Variants in CDK4 observed in about 807,000 individuals in gnomAD.
CDK4 encodes the protein cyclin dependent kinase 4.
CDK4 carries 13 observed loss-of-function variants against 36.7 expected under a neutral mutation model. The observed-to-expected ratio is 0.35, with a 90% confidence interval of 0.23 to 0.56. The LOEUF (loss-of-function observed/expected upper bound fraction) is 0.56, where lower values mean the gene tolerates loss of function less well. Ranked by LOEUF, CDK4 falls within the 20% of genes least tolerant of loss-of-function variation. The pLI, the probability that CDK4 is intolerant of heterozygous loss-of-function variation, is 0.85. For missense variants in CDK4, 285 were observed against 387.3 expected (o/e 0.74, Z 2.22); for synonymous variants, 158 against 146.4 (o/e 1.08, Z -0.57).
In CDK4 at chr12:57,749,190, G is replaced by T. The variant is rs1402005760; in HGVS notation, c.811C>A (p.Leu271Met). The T allele has an allele frequency of 6.2e-7, 1 of 1,613,902 alleles. No homozygotes were observed. The highest frequency in any genetic ancestry group is 8.5e-7 in the Non-Finnish European group (1 of 1,179,870). ...ACAGCCATCTCCAGTACCAGCAGCAGCTGTGCTCCCGACTCCTCCATCTCA... is the reference window on the plus strand; with the variant it reads ...ACAGCCATCTCCAGTACCAGCAGCATCTGTGCTCCCGACTCCTCCATCTCA... The part of the protein sequence containing the change: ...VPEMEESGAQ[L>M]LLEMLTFNPH... The change falls in exon 7 of 8, where the codon CTG (leucine) becomes ATG (methionine). Residue 271 changes from leucine to methionine, a missense_variant. Transcript: ENST00000257904.
Position 57,751,424 on chromosome 12 carries a change from T to C in CDK4, c.218+76A>G, listed in dbSNP as rs2140387865. The C allele has an allele frequency of 6.2e-7, 1 of 1,610,776 alleles. No individual in the cohort carries two copies. The highest frequency in any genetic ancestry group is 8.5e-7 in the Non-Finnish European group (1 of 1,177,278). On this transcript the variant is annotated intron_variant, in intron 2 of 7. Transcript: ENST00000257904. This position sits in a 1 kb window ranked among gnomAD's most constrained non-coding sequence, Gnocchi z 4.5. ...TATTTCCTCAGGGTCCCCACTTCTC[T>C]ACAGATCATCACACCCCACCTATAG...
At position 57,751,597 on chromosome 12, in the gene CDK4, T is replaced by C; in HGVS notation, c.121A>G (p.Asn41Asp). 1 of 1,613,976 alleles carries C rather than the reference T, an allele frequency of 6.2e-7. No individual in the cohort carries two copies. Among genetic ancestry groups the C allele is most frequent in the Non-Finnish European group, 8.5e-7 (1 of 1,179,960 alleles). The change falls in exon 2 of 8, where the codon AAT becomes GAT. Residue 41 changes from asparagine to aspartate, a missense_variant. By Grantham distance (23) the Asn-to-Asp change is conservative. Transcript: ENST00000257904. This position sits in a 1 kb window ranked among gnomAD's most constrained non-coding sequence, Gnocchi z 4.5. ...AGGCCTCCTCCACCTCCTCCTCCAT[T>C]GGGGACTCTCACACTCTTGAGGGCC... Reference protein sequence around the residue: ...FVALKSVRVPNGGGGGGGLPI... With the variant: ...FVALKSVRVPDGGGGGGGLPI...
chr12:57,751,374 C>T lies in CDK4; in HGVS notation c.219-32G>A, dbSNP rs1158848630. On this transcript the variant is annotated intron_variant, in intron 2 of 7. Transcript: ENST00000257904. The surrounding 1 kb of genome is among the most constrained non-coding windows in gnomAD (Gnocchi z 4.5). ...AGAGTAAATGCTCACTTTTCAATCC[C>T]CTTTAACCCAACATGGCCTCTCATT... 1 of 1,613,984 alleles carries T rather than the reference C, an allele frequency of 6.2e-7. No individual in the cohort carries two copies. The highest frequency in any genetic ancestry group is 8.5e-7 in the Non-Finnish European group (1 of 1,180,010).
In CDK4 at chr12:57,751,221, C is replaced by G. The variant is rs1955233266; in HGVS notation, c.340G>C (p.Ala114Pro). 2 of 1,614,190 alleles carry G rather than the reference C, an allele frequency of 1.2e-6. No individual in the cohort carries two copies. The highest frequency in any genetic ancestry group is 1.7e-6 in the Non-Finnish European group (2 of 1,180,022). The part of the protein sequence containing the change: ...LDKAPPPGLP[A>P]ETIKDLMRQF... Reference sequence around the variant, plus strand: ...ACCCCACTCACCTTGATCGTTTCGGCTGGCAAGCCTGGTGGGGGTGCCTTG... The same window carrying G: ...ACCCCACTCACCTTGATCGTTTCGGGTGGCAAGCCTGGTGGGGGTGCCTTG... The change falls in exon 3 of 8, where the codon GCC (alanine) becomes CCC (proline). Residue 114 changes from alanine (A) to proline (P), a missense_variant. Ala to Pro is a conservative substitution (Grantham distance 27, BLOSUM62 -1). Transcript: ENST00000257904. This position sits in a 1 kb window ranked among gnomAD's most constrained non-coding sequence, Gnocchi z 4.5.
rs2140388477 is a variant in CDK4, at chr12:57,751,614, T to C, written c.104A>G (p.Lys35Arg). The part of the protein sequence containing the change: ...DPHSGHFVAL[K>R]SVRVPNGGGG... Reference sequence around the variant, plus strand: ...TCCTCCATTGGGGACTCTCACACTCTTGAGGGCCACAAAGTGGCCACTGTG... The same window carrying C: ...TCCTCCATTGGGGACTCTCACACTCCTGAGGGCCACAAAGTGGCCACTGTG... Residue 35 changes from lysine (K) to arginine (R), a missense_variant, in exon 2 of 8, where the codon AAG (lysine) becomes AGG (arginine). Coordinates refer to ENST00000257904, the MANE Select transcript of CDK4 (RefSeq NM_000075.4). The surrounding 1 kb of genome is among the most constrained non-coding windows in gnomAD (Gnocchi z 4.5). 4.3e-6 allele frequency: 7 copies of C among 1,614,176 alleles called. No homozygotes were observed. The highest frequency in any genetic ancestry group is 5.9e-6 in the Non-Finnish European group (7 of 1,180,034).
Position 57,748,178 on chromosome 12 carries a change from T to C in CDK4, c.*347A>G. 5.7e-6 allele frequency: 2 copies of C among 352,236 alleles called. No homozygotes were observed. The highest frequency in any genetic ancestry group is 4.6e-5 in the East Asian group (1 of 21,604). 21.8% of individuals were successfully genotyped at this position (352,236 alleles called of 1,614,324 possible). The stretch of plus-strand genomic sequence containing the variant: ...GAAAGTCCCTTCTTCCAAGTGGTTT[T>C]TCCAAATCGCACAATGGCAAAGCCA... On this transcript the variant is annotated 3_prime_UTR_variant, in exon 8 of 8. Coordinates refer to ENST00000257904, the MANE Select transcript of CDK4 (RefSeq NM_000075.4).
rs876659462 is a variant in CDK4, at chr12:57,749,486, G to T, written c.651C>A (p.Asn217Lys). 1 of 1,614,230 alleles carries T rather than the reference G, an allele frequency of 6.2e-7. No individual in the cohort carries two copies. Among genetic ancestry groups the T allele is most frequent in the Admixed American group, 1.7e-5 (1 of 60,034 alleles). Residue 217 changes from asparagine (N) to lysine (K), a missense_variant, in exon 6 of 8, where the codon AAC (asparagine) becomes AAA (lysine). Asn to Lys is a moderately conservative substitution (Grantham distance 94). Coordinates refer to ENST00000257904, the MANE Select transcript of CDK4 (RefSeq NM_000075.4). ...TTTTGCCCAACTGGTCGGCTTCAGA[G>T]TTTCCACAGAAGAGAGGCCTAAGGT... The part of the protein sequence containing the change: ...MFRRKPLFCG[N>K]SEADQLGKIF...
intron 4 of CDK4, 52 bp from the exon 5 acceptor site, chr12:57,750,817 C>T (rs2140386032): frequency 6.3e-7 from 1 of 1,594,892 alleles, no homozygotes; most frequent in Middle Eastern, 1.7e-4. Flanking sequence ...CCATGAAACA[C>T]AACTTGCTTG....
Position 57,748,541 on chromosome 12 carries a change from T to C in CDK4, c.896A>G (p.Glu299Gly), listed in dbSNP as rs771234928. Reference protein sequence around the residue: ...ALQHSYLHKDEGNPE With the variant: ...ALQHSYLHKDGGNPE ...CTCCATTGCTCACTCCGGATTACCT[T>C]CATCCTTATGTAGATAAGAGTGCTG... Residue 299 changes from glutamate to glycine, a missense_variant, in exon 8 of 8, where the codon GAA becomes GGA. Physicochemically the swap from Glu to Gly is moderately conservative, Grantham distance 98 (BLOSUM62 -2). Transcript: ENST00000257904. 3.7e-6 allele frequency: 6 copies of C among 1,612,674 alleles called. No homozygotes were observed.
At chr12:57,749,774 G>A (rs1398026928) in intron 5 of CDK4, 2 of 511,710 alleles carry the variant, frequency 3.9e-6, no homozygotes, top group Non-Finnish European at 3.5e-6. Flanking sequence ...TGATGTGGGT[G>A]GATCATGAGG....
At chr12:57,750,538 G>C in intron 5 of CDK4, 118 bp downstream of exon 5, 1 of 784,782 alleles carries the variant, frequency 1.3e-6, no homozygotes, top group Non-Finnish European at 2.3e-6. Context: ...TTGCAATCCA[G>C]CCTGGGCAAC....
In CDK4 at chr12:57,750,609, A is replaced by C. The variant is rs748024771; in HGVS notation, c.632+47T>G. On this transcript the variant is annotated intron_variant, in intron 5 of 7. Transcript: ENST00000257904. ...AAGGTATGGATGTGGTTTATGAACA[A>C]GCGATTTGGGGAATTCAAGGTAGTC... 3.1e-6 allele frequency: 4 copies of C among 1,300,716 alleles called. No individual in the cohort carries two copies. The Admixed American group carries it at 6.7e-5, about 22-fold the overall frequency. 80.6% of individuals were successfully genotyped at this position (1,300,716 alleles called of 1,614,324 possible).
rs1955243132 is a variant in CDK4, at chr12:57,751,983, A to C, written c.-20+192T>G. 1 of 539,130 alleles carries C rather than the reference A, an allele frequency of 1.9e-6. No individual in the cohort carries two copies. The highest frequency in any genetic ancestry group is 1.9e-5 in the African/African-American group (1 of 52,658). The allele number at this position is 539,130 out of a possible 1,614,324, so 33.4% of individuals were successfully genotyped here. On this transcript the variant is annotated intron_variant, in intron 1 of 7. Transcript: ENST00000257904. This position sits in a 1 kb window ranked among gnomAD's most constrained non-coding sequence, Gnocchi z 4.5. ...TGGGACAATCGCGCCCCGCACAAAG[A>C]TCACACATGACACATGCCTTGCATC... is the stretch of plus-strand genomic sequence containing the variant.
rs2140388477 is a variant in CDK4, at chr12:57,751,614, T to A, written c.104A>T (p.Lys35Met). ...TCCTCCATTGGGGACTCTCACACTCTTGAGGGCCACAAAGTGGCCACTGTG... is the reference window on the plus strand; with the variant it reads ...TCCTCCATTGGGGACTCTCACACTCATGAGGGCCACAAAGTGGCCACTGTG... Reference protein sequence around the residue: ...DPHSGHFVALKSVRVPNGGGG... With the variant: ...DPHSGHFVALMSVRVPNGGGG... The change falls in exon 2 of 8, where the codon AAG becomes ATG. Residue 35 changes from lysine (K) to methionine (M), a missense_variant. Coordinates refer to ENST00000257904, the MANE Select transcript of CDK4 (RefSeq NM_000075.4). The surrounding 1 kb of genome is among the most constrained non-coding windows in gnomAD (Gnocchi z 4.5). 6.2e-7 allele frequency: 1 copy of A among 1,614,176 alleles called. No homozygotes were observed. Among genetic ancestry groups the A allele is most frequent in the Non-Finnish European group, 8.5e-7 (1 of 1,180,034 alleles).
chr12:57,749,011 G>A, intron 7 of CDK4, 171 bp downstream of exon 7: 2 of 867,170 alleles, frequency 2.3e-6, no homozygotes, highest in Non-Finnish European at 1.8e-6. Flanking sequence ...CAGCCAGGAT[G>A]GGTTCTCTTC....
intron 5 of CDK4, chr12:57,750,012 G>C (rs1358838002): frequency 1.7e-5 from 3 of 171,858 alleles, no homozygotes; most frequent in African/African-American, 7.4e-5. Flanking sequence ...AAAAAAGCCA[G>C]TCATGGTGGC....
intron 7 of CDK4, 191 bp downstream of exon 7, chr12:57,748,991 C>G: frequency 1.4e-6 from 1 of 737,292 alleles, no homozygotes; most frequent in Non-Finnish European, 2.3e-6. Flanking sequence ...CAGGCGTGAG[C>G]CACCGTGCCC....
chr12:57,750,230 C>T (rs1052611889), intron 5 of CDK4: 3 of 175,504 alleles, frequency 1.7e-5, no homozygotes, highest in African/African-American at 7.1e-5. Flanking sequence ...TATGAAGTTC[C>T]TAATTCCAGA....
intron 7 of CDK4, chr12:57,748,941 G>A: frequency 1.7e-6 from 1 of 587,406 alleles, no homozygotes; most frequent in East Asian, 3.0e-5. Flanking sequence ...CCTGACCTCA[G>A]GTGATACGCC....
Sources: allele counts gnomAD v4.1 joint callset, GRCh38; gene constraint gnomAD v4.1.1; non-coding constraint Gnocchi (gnomAD v3.1); transcripts MANE v1.5; gene names NCBI Gene and HGNC (gene_info 2026-07-23, HGNC 2026-07-21).